Variants in MRAS observed in about 807,000 individuals in gnomAD.
The protein encoded by MRAS is muscle RAS oncogene homolog.
MRAS carries 4 observed loss-of-function variants against 20.9 expected under a neutral mutation model. The ratio of observed to expected loss-of-function variants is 0.19; its 90% CI spans 0.09 to 0.44. The LOEUF is 0.44. Ranked by LOEUF, MRAS falls within the 20% of genes least tolerant of loss-of-function variation. The pLI is 0.99. For synonymous variants in MRAS, 98 were observed against 102.9 expected (o/e 0.95, Z 0.29); for missense variants, 154 against 277.5 (o/e 0.56, Z 3.16).
intron 2 of MRAS, among the ~76,000 whole-genome samples, chr3:138,382,110 C>G (rs892025304): frequency 7.2e-5 from 11 of 152,232 alleles, no homozygotes; most frequent in African/African-American, 2.7e-4. Flanking sequence ...GAATTTCCCT[C>G]TTTCCCTTCA....
At chr3:138,382,687 A>G (rs1199330) in intron 2 of MRAS, among the ~76,000 whole-genome samples, 27,396 of 152,118 alleles carry the variant, frequency 0.18, 3,248 homozygotes, top group African/African-American at 0.34. Context: ...GTGTGAGTGG[A>G]ATATGCAACT....
intron 1 of MRAS, among the ~76,000 whole-genome samples, chr3:138,360,277 A>AG (rs1171090906): frequency 6.6e-6 from 1 of 152,168 alleles, no homozygotes; most frequent in East Asian, 1.9e-4. Flanking sequence ...TGAGATGCAG[A>AG]GGGATGCCTG....
At chr3:138,377,379 G>C (rs975007565) in intron 2 of MRAS, among the ~76,000 whole-genome samples, 1 of 152,174 alleles carries the variant, frequency 6.6e-6, no homozygotes, top group Admixed American at 6.5e-5. Flanking sequence ...GGCCGAGGTG[G>C]GTGGATCACG....
intron 1 of MRAS, among the ~76,000 whole-genome samples, chr3:138,356,608 A>G (rs989826222): frequency 6.6e-6 from 1 of 152,164 alleles, no homozygotes. Context: ...TCTTCTTTCA[A>G]TGTCTGCTTT....
intron 2 of MRAS, among the ~76,000 whole-genome samples, chr3:138,393,939 C>G (rs1035821050): frequency 3.9e-5 from 6 of 152,158 alleles, no homozygotes; most frequent in African/African-American, 1.4e-4. Context: ...GATCCACCTG[C>G]CTTGGCCTTC....
intron 1 of MRAS, among the ~76,000 whole-genome samples, chr3:138,350,778 T>G (rs1033693589): frequency 9.2e-5 from 14 of 151,898 alleles, no homozygotes; most frequent in Non-Finnish European, 1.8e-4. Flanking sequence ...ATGGTGAAAC[T>G]CCGTCTCTAC....
At chr3:138,356,342 G>C (rs185447342) in intron 1 of MRAS, among the ~76,000 whole-genome samples, 3 of 152,160 alleles carry the variant, frequency 2.0e-5, no homozygotes, top group Non-Finnish European at 4.4e-5. Context: ...GACCATTTAT[G>C]GGGGGTGTTG....
At chr3:138,348,844 G>C (rs938889917) in intron 1 of MRAS, 77 bp downstream of exon 1, 2 of 151,778 alleles carry the variant, frequency 1.3e-5, no homozygotes, top group Non-Finnish European at 2.9e-5. Context: ...TTTGTTCCGG[G>C]GCGGGAGGTG....
rs559313085 is a variant in MRAS at position 138,357,678 on chromosome 3, C to T, written c.-19+8911C>T. On this transcript the variant is annotated intron_variant, in intron 1 of 5. Coordinates refer to ENST00000423968, the MANE Select transcript of MRAS (RefSeq NM_001085049.3). The stretch of plus-strand genomic sequence containing the variant: ...CAGGGTATGGGCCATGCCCACTGGC[C>T]GCCTGGCCTCCACTCCACTTTGCCC... Among the ~76,000 whole-genome samples the T allele has an allele frequency of 9.3e-4, 141 of 152,330 alleles. 2 individuals carry two copies. The highest frequency in any genetic ancestry group is 2.4e-3 in the Admixed American group (36 of 15,304).
chr3:138,364,193 A>G (rs1576349285), intron 1 of MRAS, among the ~76,000 whole-genome samples: 1 of 152,220 alleles, frequency 6.6e-6, no homozygotes, highest in Non-Finnish European at 1.5e-5. Flanking sequence ...CCTTCCGAGA[A>G]GGGAGAGGTA....
At chr3:138,392,738 ATG>A (rs1480883224) in intron 2 of MRAS, among the ~76,000 whole-genome samples, 1 of 151,924 alleles carries the variant, frequency 6.6e-6, no homozygotes, top group African/African-American at 2.4e-5. Context: ...TTTGCTTTAT[ATG>A]TGTCTTTGAA....
rs373201267 is a variant in MRAS, at chr3:138,398,481, G to A, written c.360G>A (p.Pro120=). The A allele has an allele frequency of 8.1e-6, 13 of 1,613,990 alleles. No homozygotes were observed. The highest frequency in any genetic ancestry group is 2.7e-5 in the African/African-American group (2 of 74,904). Residue 120 remains proline, a synonymous_variant, in exon 4 of 6, where the codon CCG becomes CCA. Transcript: ENST00000423968. The stretch of plus-strand genomic sequence containing the variant: ...CTTTATTTCCCAGGGAGTCATTCCC[G>A]ATGATCCTCGTGGCCAACAAGGTCG... ...ILRVKDRESF[P]MILVANKVDL...
At chr3:138,376,853 G>C (rs977211200) in intron 2 of MRAS, among the ~76,000 whole-genome samples, 1 of 152,160 alleles carries the variant, frequency 6.6e-6, no homozygotes, top group African/African-American at 2.4e-5. Context: ...ACGTGATTCT[G>C]AACTATGTTC....
At chr3:138,366,742 C>A (rs957968479) in intron 1 of MRAS, among the ~76,000 whole-genome samples, 19 of 152,338 alleles carry the variant, frequency 1.2e-4, no homozygotes, top group Admixed American at 1.2e-3. Flanking sequence ...TCTAACCAGT[C>A]CACAGCAGTT....
intron 2 of MRAS, among the ~76,000 whole-genome samples, chr3:138,396,893 TAGA>T (rs2108560724): frequency 6.6e-6 from 1 of 152,186 alleles, no homozygotes; most frequent in African/African-American, 2.4e-5. Context: ...TTTTCATTGA[TAGA>T]GGAGGAAAGG....
intron 2 of MRAS, among the ~76,000 whole-genome samples, chr3:138,384,279 A>G (rs974618146): frequency 1.3e-5 from 2 of 152,150 alleles, no homozygotes; most frequent in Admixed American, 6.5e-5. Context: ...GGCGAGTGAG[A>G]AGAGCTCACT....
rs961768390 is a variant in MRAS at position 138,402,455 on chromosome 3, C to A, written c.*186C>A. 2 of 565,056 alleles carry A rather than the reference C, an allele frequency of 3.5e-6. No homozygotes were observed. Among genetic ancestry groups the A allele is most frequent in the Non-Finnish European group, 6.2e-6 (2 of 320,630 alleles). The allele number at this position is 565,056 out of a possible 1,614,324, so 35.0% of individuals were successfully genotyped here. A position where few individuals can be genotyped will look rare whatever the true frequency, so the allele number is the denominator to read the frequency against. Reference sequence around the variant, plus strand: ...TTTGCCCAGAGGGCACGGGCTTTCCCACCTCTCAAAGAGACAAGGAAGCCA... The same window carrying A: ...TTTGCCCAGAGGGCACGGGCTTTCCAACCTCTCAAAGAGACAAGGAAGCCA... On this transcript the variant is annotated 3_prime_UTR_variant, in exon 6 of 6. Coordinates refer to ENST00000423968, the MANE Select transcript of MRAS (RefSeq NM_001085049.3).
intron 5 of MRAS, among the ~76,000 whole-genome samples, chr3:138,401,016 A>G (rs563058295): frequency 1.5e-4 from 23 of 152,258 alleles, no homozygotes; most frequent in East Asian, 9.7e-4. Context: ...TTTCCCCTGA[A>G]CAACCAATAT....
At chr3:138,379,647 T>C (rs1014931237) in intron 2 of MRAS, among the ~76,000 whole-genome samples, 4 of 152,200 alleles carry the variant, frequency 2.6e-5, no homozygotes, top group Non-Finnish European at 5.9e-5. Context: ...CATGAGCCAC[T>C]GCGCCCAGCC....
Sources: gnomAD v4.1 joint callset for allele counts (sites outside exome capture counted in the v4.1 genomes callset) on GRCh38, gnomAD v4.1.1 for gene constraint, MANE v1.5 for transcripts, NCBI Gene and HGNC (gene_info 2026-07-23, HGNC 2026-07-21) for gene names.